NAA11: variants seen among roughly 807,000 people sequenced by gnomAD.
NAA11 encodes the protein N-alpha-acetyltransferase 11, NatA catalytic subunit, also known as N-alpha-acetyltransferase 11.
NAA11 carries 15 observed loss-of-function variants against 16.1 expected under a neutral mutation model. That is an observed-to-expected ratio of 0.93 (90% CI 0.62 to 1.44). NAA11 has a LOEUF of 1.44. NAA11 is among the 40% of genes most tolerant of loss of function. The probability of loss-of-function intolerance (pLI) is 0.00; values close to 1 mark genes in which losing one functional copy is unlikely to be tolerated. For missense variants in NAA11, 298 were observed against 291.3 expected, an observed-to-expected ratio of 1.02 and a Z score of -0.17; for synonymous variants, 122 against 112.4, an observed-to-expected ratio of 1.09 and a Z score of -0.54.
At chr4:79,176,030 T>TGAAA in the NAA11 span, among the ~76,000 whole-genome samples, 4 of 152,162 alleles carry the variant, frequency 2.6e-5, no homozygotes, top group Non-Finnish European at 5.9e-5. Context: ...TGTCTTTCCT[T>TGAAA]ACAGAGTTCA....
the NAA11 span, among the ~76,000 whole-genome samples, chr4:79,158,493 T>C: frequency 6.6e-6 from 1 of 151,936 alleles, no homozygotes; most frequent in Non-Finnish European, 1.5e-5. Flanking sequence ...CATCCCATGC[T>C]CATGGATGGG....
chr4:79,156,326 T>TGC, the NAA11 span, among the ~76,000 whole-genome samples: 1 of 38,042 alleles, frequency 2.6e-5, no homozygotes, highest in African/African-American at 1.2e-4. Flanking sequence ...TGTGTGTGTG[T>TGC]GTGTATATAT....
the NAA11 span, among the ~76,000 whole-genome samples, chr4:79,191,141 A>G: frequency 2.6e-5 from 4 of 152,084 alleles, no homozygotes; most frequent in Non-Finnish European, 5.9e-5. Flanking sequence ...GTTCGCGTGC[A>G]TGTGTCTTGA....
intron 2 of NAA11, among the ~76,000 whole-genome samples, chr4:79,243,591 A>G (rs755349636): frequency 6.6e-6 from 1 of 152,226 alleles, no homozygotes; most frequent in African/African-American, 2.4e-5. Flanking sequence ...AAATAAAACA[A>G]GTTTACTGAT....
intron 2 of NAA11, among the ~76,000 whole-genome samples, chr4:79,288,660 AT>A (rs1723007155): frequency 6.6e-6 from 1 of 152,190 alleles, no homozygotes; most frequent in Non-Finnish European, 1.5e-5. Flanking sequence ...TATAGATATC[AT>A]TATTTACATT....
At chr4:79,241,998 G>A (rs1721706543) in intron 2 of NAA11, among the ~76,000 whole-genome samples, 2 of 152,218 alleles carry the variant, frequency 1.3e-5, no homozygotes, top group African/African-American at 4.8e-5. Flanking sequence ...TGGAGGAACA[G>A]TGAGGAAGAA....
intron 2 of NAA11, among the ~76,000 whole-genome samples, chr4:79,239,817 T>A (rs1222294321): frequency 1.3e-5 from 2 of 152,216 alleles, no homozygotes; most frequent in African/African-American, 4.8e-5. Context: ...GAGGATAAGA[T>A]GACATGTTCT....
At chr4:79,169,911 C>T in the NAA11 span, among the ~76,000 whole-genome samples, 1 of 152,156 alleles carries the variant, frequency 6.6e-6, no homozygotes, top group Non-Finnish European at 1.5e-5. Context: ...TTTCTGTTCT[C>T]CAAAGGTGAA....
At chr4:79,191,863 G>T in the NAA11 span, among the ~76,000 whole-genome samples, 8 of 152,270 alleles carry the variant, frequency 5.3e-5, no homozygotes, top group South Asian at 2.1e-4. Context: ...ATTGTATACG[G>T]TGTAAGAGGG....
intron 1 of NAA11, among the ~76,000 whole-genome samples, chr4:79,318,751 C>T (rs1381642837): frequency 6.6e-6 from 1 of 152,104 alleles, no homozygotes; most frequent in Non-Finnish European, 1.5e-5. Context: ...CATGAACAGG[C>T]ATGCAAAAGA....
chr4:79,188,738 A>T, the NAA11 span, among the ~76,000 whole-genome samples: 1 of 152,182 alleles, frequency 6.6e-6, no homozygotes, highest in African/African-American at 2.4e-5. Context: ...TTTACATAGT[A>T]GATTGAGAAA....
At chr4:79,284,591 CCGGGCGCG>C (rs1722867698) in intron 2 of NAA11, among the ~76,000 whole-genome samples, 1 of 101,662 alleles carries the variant, frequency 9.8e-6, no homozygotes, top group African/African-American at 5.4e-5. Flanking sequence ...TGATTGAGGG[CCGGGCGCG>C]GTGGCTCACG....
At chr4:79,242,765 G>A (rs540591291) in intron 2 of NAA11, among the ~76,000 whole-genome samples, 162 of 152,278 alleles carry the variant, frequency 1.1e-3, no homozygotes, top group Non-Finnish European at 8.5e-4. Flanking sequence ...CCACTTTGGG[G>A]TTCAGTTGTT....
intron 1 of NAA11, among the ~76,000 whole-genome samples, chr4:79,302,961 T>TTGG (rs1723435468): frequency 6.6e-6 from 1 of 151,206 alleles, no homozygotes; most frequent in African/African-American, 2.4e-5. Flanking sequence ...TTTTAGGGTT[T>TTGG]TGTTGTTGTT....
At chr4:79,251,504 T>C (rs1721994034) in intron 2 of NAA11, among the ~76,000 whole-genome samples, 1 of 152,236 alleles carries the variant, frequency 6.6e-6, no homozygotes, top group Admixed American at 6.5e-5. Context: ...GGAAGAAGAT[T>C]ACAAAACTTC....
At chr4:79,198,604 A>G in the NAA11 span, among the ~76,000 whole-genome samples, 1 of 151,892 alleles carries the variant, frequency 6.6e-6, no homozygotes, top group Non-Finnish European at 1.5e-5. Context: ...ACTTTCAGCA[A>G]CAAGGGAAAG....
At chr4:79,277,574 G>A (rs557607189) in intron 2 of NAA11, among the ~76,000 whole-genome samples, 12 of 151,884 alleles carry the variant, frequency 7.9e-5, no homozygotes, top group East Asian at 7.8e-4. Context: ...TAACTTCCTC[G>A]TAAAGCAATC....
the NAA11 span, among the ~76,000 whole-genome samples, chr4:79,210,702 G>A: frequency 1.3e-5 from 2 of 152,066 alleles, no homozygotes; most frequent in African/African-American, 4.8e-5. Flanking sequence ...TATACCCTGG[G>A]TTAGCGGCAG....
the NAA11 span, among the ~76,000 whole-genome samples, chr4:79,212,445 G>A: frequency 1.3e-5 from 2 of 151,990 alleles, no homozygotes; most frequent in Non-Finnish European, 2.9e-5. Flanking sequence ...GAGCACTCAA[G>A]GCTTCCTTTC....
Sources: gnomAD v4.1 joint callset for allele counts (sites outside exome capture counted in the v4.1 genomes callset) on GRCh38, gnomAD v4.1.1 for gene constraint, MANE v1.5 for transcripts, NCBI Gene and HGNC (gene_info 2026-07-23, HGNC 2026-07-21) for gene names.